Variants in SEPTIN9 observed in about 807,000 individuals in gnomAD.
SEPTIN9 encodes septin-9.
Under a neutral mutation model 56.6 loss-of-function variants are expected in SEPTIN9, and 13 were observed. The observed-to-expected ratio is 0.23, with a 90% CI of 0.15 to 0.37. The LOEUF (loss-of-function observed/expected upper bound fraction) is 0.37, where lower values mean the gene tolerates loss of function less well. SEPTIN9 is among the 10% of genes least tolerant of loss of function. SEPTIN9 has a pLI of 1.00. For missense variants in SEPTIN9, 650 were observed against 823.1 expected (o/e 0.79, Z 2.57); for synonymous variants, 332 against 334.1 (o/e 0.99, Z 0.07).
In SEPTIN9 at chr17:77,395,252, G is replaced by A. The variant is rs1294644372; in HGVS notation, c.77-6807G>A. Among the ~76,000 whole-genome samples the A allele has an allele frequency of 4.6e-5, 7 of 152,152 alleles. 3 individuals are homozygous for A. Among genetic ancestry groups the A allele is most frequent in the Admixed American group, 4.6e-4 (7 of 15,284 alleles). ...GTTTTTTAAGAGCAATATTGGCCGG[G>A]TGCAGTGGCTCACGCCTGTAATCGC... On this transcript the variant is annotated intron_variant, in intron 2 of 11. Transcript: ENST00000427177.
intron 3 of SEPTIN9, among the ~76,000 whole-genome samples, chr17:77,441,452 G>C (rs930050307): frequency 6.6e-6 from 1 of 152,214 alleles, no homozygotes; most frequent in African/African-American, 2.4e-5. Flanking sequence ...TAGACACTTC[G>C]TGTGGTTTTC....
Position 77,498,672 on chromosome 17 carries a change from C to CCCCCCCCGGGGGCGGG in SEPTIN9, c.*14_*15insCCCCCCCGGGGGCGGG. ...CCGGAGATGTAGACGCCACCCTGCC[C>CCCCCCCCGGGGGCGGG]ACCCCCGGGATCCTGCCCCCAAGTC... On this transcript the variant is annotated 3_prime_UTR_variant, in exon 12 of 12. Transcript: ENST00000427177. The CCCCCCCCGGGGGCGGG allele has an allele frequency of 6.4e-7, 1 of 1,550,430 alleles. No homozygotes were observed.
At chr17:77,376,533 C>A (rs1598275602) in intron 2 of SEPTIN9, 2 of 361,822 alleles carry the variant, frequency 5.5e-6, no homozygotes, top group Non-Finnish European at 7.7e-6. Flanking sequence ...CCAGGGGCCA[C>A]CCCAAAGCAG....
chr17:77,283,850 C>G lies in SEPTIN9; in HGVS notation c.19+2296C>G, dbSNP rs545131586. ...ACACATGGCCAAGTCTGAGTGGGTA[C>G]AGAAATGGTAATGAGATATAGTCCT... On this transcript the variant is annotated intron_variant, in intron 1 of 11. Transcript: ENST00000427177. 2.6e-5 allele frequency among the ~76,000 whole-genome samples: 4 copies of G among 152,286 alleles called. No individual in the cohort carries two copies. In the South Asian group the frequency reaches 8.3e-4, roughly 32 times the overall value.
At chr17:77,426,499 C>T (rs312891) in intron 3 of SEPTIN9, among the ~76,000 whole-genome samples, 29,146 of 151,998 alleles carry the variant, frequency 0.19, 6,263 homozygotes, top group African/African-American at 0.53. Flanking sequence ...GCCTGTGAGA[C>T]CCTACGTCAC....
At chr17:77,365,196 G>A (rs553555603) in intron 2 of SEPTIN9, among the ~76,000 whole-genome samples, 2 of 152,222 alleles carry the variant, frequency 1.3e-5, no homozygotes, top group African/African-American at 2.4e-5. Context: ...TTTCTGTTCC[G>A]GAAAGAGTAG....
intron 3 of SEPTIN9, among the ~76,000 whole-genome samples, chr17:77,441,317 C>T (rs1358405670): frequency 6.6e-6 from 1 of 152,240 alleles, no homozygotes; most frequent in Non-Finnish European, 1.5e-5. Flanking sequence ...ATAGCCTGAG[C>T]AGCCACCAGT....
In SEPTIN9 at chr17:77,311,038, G is replaced by A. The variant is rs112160406; in HGVS notation, c.76+3841G>A. Among the ~76,000 whole-genome samples the A allele has an allele frequency of 7.6e-3, 1,150 of 152,270 alleles. 16 individuals carry two copies. The highest frequency in any genetic ancestry group is 0.026 in the African/African-American group (1,076 of 41,548). ...GGAGATGGGGTCTTTGCAGATGTAA[G>A]TAGTTAAGGATCTTGAGATGAGGTC... On this transcript the variant is annotated intron_variant, in intron 2 of 11. Transcript: ENST00000427177.
rs2037940162 is a variant in SEPTIN9, at chr17:77,450,920, G to T, written c.722-31224G>T. Reference sequence around the variant, plus strand: ...CCAGCCCTGGCTGCAGGTCTGAATGGCTTTCTGGGGTGGCTGGCCATGCTC... The same window carrying T: ...CCAGCCCTGGCTGCAGGTCTGAATGTCTTTCTGGGGTGGCTGGCCATGCTC... On this transcript the variant is annotated intron_variant, in intron 3 of 11. Transcript: ENST00000427177. The surrounding 1 kb of genome is among the most constrained non-coding windows in gnomAD (Gnocchi z 6.0). 1.8e-6 allele frequency: 1 copy of T among 567,252 alleles called. No individual in the cohort carries two copies. The allele number at this position is 567,252 out of a possible 1,614,324, so 35.1% of individuals were successfully genotyped here.
chr17:77,466,058 AC>A (rs2038707641), intron 3 of SEPTIN9, among the ~76,000 whole-genome samples: 1 of 16,258 alleles, frequency 6.2e-5, no homozygotes, highest in Non-Finnish European at 1.3e-4. Flanking sequence ...GGACTGTCAC[AC>A]ACACACACAC....
intron 8 of SEPTIN9, among the ~76,000 whole-genome samples, chr17:77,491,869 C>T (rs1018923292): frequency 2.0e-5 from 3 of 151,778 alleles, no homozygotes; most frequent in African/African-American, 4.8e-5. Flanking sequence ...TCTCCGCCAC[C>T]GTCTGAGGCC....
chr17:77,474,576 T>G (rs571990811), intron 3 of SEPTIN9, among the ~76,000 whole-genome samples: 190 of 152,200 alleles, frequency 1.2e-3, no homozygotes, highest in Non-Finnish European at 1.9e-3. Flanking sequence ...AAGGCCTCAG[T>G]GCTGAGCTGC....
In SEPTIN9 at chr17:77,310,297, T is replaced by C. The variant is rs1669628464; in HGVS notation, c.76+3100T>C. Among the ~76,000 whole-genome samples, 1 of 152,168 alleles carries C rather than the reference T, an allele frequency of 6.6e-6. No individual in the cohort carries two copies. The highest frequency in any genetic ancestry group is 2.4e-5 in the African/African-American group (1 of 41,462). ...GCATCCGGCCTGGTCTCCTCTTGCA[T>C]ACGGTCATCAGCATCGTGTGACTGA... On this transcript the variant is annotated intron_variant, in intron 2 of 11. Transcript: ENST00000427177. The surrounding 1 kb of genome is among the most constrained non-coding windows in gnomAD (Gnocchi z 4.7).
In SEPTIN9 at chr17:77,287,494, C is replaced by T. The variant is rs371994433; in HGVS notation, c.19+5940C>T. On this transcript the variant is annotated intron_variant, in intron 1 of 11. Coordinates refer to ENST00000427177, the MANE Select transcript of SEPTIN9 (RefSeq NM_001113491.2). ...ATTCATTCCAGAAGCGTCTGCCGGG[C>T]GCTGCTGAGTGTCAGGTTCTGTTTG... Among the ~76,000 whole-genome samples, 9 of 152,308 alleles carry T rather than the reference C, an allele frequency of 5.9e-5. No homozygotes were observed. The South Asian group carries it at 1.4e-3, about 25-fold the overall frequency.
rs1421000930 is a variant in SEPTIN9, at chr17:77,499,223, C to G, written c.*565C>G. ...CTAAGGGTAGAAAACTCCAGGGTCCCCTGCCACCGACTGCCCAGCCACTCC... is the reference window on the plus strand; with the variant it reads ...CTAAGGGTAGAAAACTCCAGGGTCCGCTGCCACCGACTGCCCAGCCACTCC... On this transcript the variant is annotated 3_prime_UTR_variant, in exon 12 of 12. Transcript: ENST00000427177. 1.7e-6 allele frequency: 1 copy of G among 578,026 alleles called. No individual in the cohort carries two copies. Among genetic ancestry groups the G allele is most frequent in the Admixed American group, 2.0e-5 (1 of 50,870 alleles). 35.8% of individuals were successfully genotyped at this position (578,026 alleles called of 1,614,324 possible). A position where few individuals can be genotyped will look rare whatever the true frequency, so the allele number is the denominator to read the frequency against.
intron 4 of SEPTIN9, chr17:77,482,998 C>CA (rs1212197990): frequency 5.7e-6 from 1 of 173,974 alleles, no homozygotes. Flanking sequence ...GGAAGGCTGC[C>CA]AAGGTTCCTT....
chr17:77,466,439 G>T (rs951759633), intron 3 of SEPTIN9: 4 of 985,392 alleles, frequency 4.1e-6, no homozygotes, highest in African/African-American at 1.7e-5. Context: ...CCCACCCCAG[G>T]AGCTTCCAGG....
At chr17:77,337,488 T>TA (rs2033593793) in intron 2 of SEPTIN9, among the ~76,000 whole-genome samples, 1 of 152,226 alleles carries the variant, frequency 6.6e-6, no homozygotes, top group South Asian at 2.1e-4. Context: ...TTCGGTAATG[T>TA]CTTTGTCAGC....
intron 10 of SEPTIN9, among the ~76,000 whole-genome samples, chr17:77,495,627 A>G (rs1224941092): frequency 1.3e-5 from 2 of 152,190 alleles, no homozygotes; most frequent in Non-Finnish European, 2.9e-5. Context: ...GGGAGTGGCG[A>G]TCACACACTC....
Sources: gnomAD v4.1 joint callset for allele counts (sites outside exome capture counted in the v4.1 genomes callset) on GRCh38, gnomAD v4.1.1 for gene constraint, Gnocchi (gnomAD v3.1) non-coding constraint, MANE v1.5 for transcripts, NCBI Gene and HGNC (gene_info 2026-07-23, HGNC 2026-07-21) for gene names.